Variants in TNIP1 observed in about 807,000 individuals in gnomAD.
TNIP1 encodes the protein TNFAIP3 interacting protein 1.
In TNIP1, 22 loss-of-function variants were observed where a neutral mutation model predicts 86.6. The ratio of observed to expected loss-of-function variants is 0.25; its 90% CI spans 0.18 to 0.36. TNIP1 has a LOEUF of 0.36. Among genes scored for constraint, TNIP1 ranks in the 10% least tolerant of loss-of-function variants. TNIP1 has a pLI of 1.00. For synonymous variants in TNIP1, 294 were observed against 313.0 expected, an observed-to-expected ratio of 0.94 and a Z score of 0.64; for missense variants, 709 against 820.6, an observed-to-expected ratio of 0.86 and a Z score of 1.66.
chr5:151,076,481 C>A (rs1199506473), intron 1 of TNIP1, among the ~76,000 whole-genome samples: 1 of 142,732 alleles, frequency 7.0e-6, no homozygotes, highest in Non-Finnish European at 1.5e-5. Context: ...GAAGAGAATG[C>A]CCTGAGATGC....
intron 6 of TNIP1, among the ~76,000 whole-genome samples, chr5:151,055,059 C>T (rs1760470016): frequency 6.6e-6 from 1 of 152,190 alleles, no homozygotes; most frequent in African/African-American, 2.4e-5. Context: ...AGATCATCAC[C>T]TTCCATCCAA....
intron 1 of TNIP1, among the ~76,000 whole-genome samples, chr5:151,068,891 C>T (rs955017961): frequency 3.3e-5 from 5 of 152,248 alleles, no homozygotes; most frequent in African/African-American, 1.2e-4. Flanking sequence ...ACTCCAGCCC[C>T]GCTTGCCCAA....
intron 13 of TNIP1, among the ~76,000 whole-genome samples, chr5:151,035,926 A>G (rs189415084): frequency 1.7e-4 from 26 of 152,262 alleles, no homozygotes; most frequent in Non-Finnish European, 2.8e-4. Flanking sequence ...CTAGGACTTT[A>G]TTTGAACAAA....
rs531533136 is a variant in TNIP1 at position 151,044,999 on chromosome 5, G to A, written c.936+862C>T. 1.2e-4 allele frequency among the ~76,000 whole-genome samples: 19 copies of A among 152,312 alleles called. 1 individual carries two copies. The South Asian group carries it at 2.7e-3, about 22-fold the overall frequency. On this transcript the variant is annotated intron_variant, in intron 9 of 17. Transcript: ENST00000521591. ...CACTCAGTATTCTGTGGCAGGCTTCGGCTGCTGGCTGGTCCTTTTCATTCT... is the reference window on the plus strand; with the variant it reads ...CACTCAGTATTCTGTGGCAGGCTTCAGCTGCTGGCTGGTCCTTTTCATTCT...
intron 1 of TNIP1, among the ~76,000 whole-genome samples, chr5:151,065,646 A>G (rs572490944): frequency 1.4e-4 from 21 of 152,348 alleles, no homozygotes; most frequent in Admixed American, 6.5e-4. Flanking sequence ...GAAAGTCTTA[A>G]GTTAATTTAG....
rs143556268 is a variant in TNIP1 at position 151,064,996 on chromosome 5, G to A, written c.100C>T (p.Arg34Trp). The stretch of plus-strand genomic sequence containing the variant: ...ATCCCTTGCATTTTTTCCTTCAGCC[G>A]GGAATTCTCCTTCACTAGGCGCTCA... ...AFERLVKENSRLKEKMQGIKM... is the reference protein window; with the variant it reads ...AFERLVKENSWLKEKMQGIKM... Residue 34 changes from arginine to tryptophan, a missense_variant, in exon 2 of 18, where the codon CGG (arginine) becomes TGG (tryptophan). Physicochemically the swap from Arg to Trp is moderately radical, Grantham distance 101. Transcript: ENST00000521591. 36 of 1,614,160 alleles carry A rather than the reference G, an allele frequency of 2.2e-5. No homozygotes were observed. Among genetic ancestry groups the A allele is most frequent in the African/African-American group, 2.7e-5 (2 of 75,046 alleles).
intron 3 of TNIP1, among the ~76,000 whole-genome samples, chr5:151,062,650 A>G (rs1761729167): frequency 6.6e-6 from 1 of 152,166 alleles, no homozygotes. Flanking sequence ...CAAACTCAGG[A>G]CTGAGACTTG....
chr5:151,082,539 C>G (rs181456120), upstream of TNIP1, among the ~76,000 whole-genome samples: 135 of 152,304 alleles, frequency 8.9e-4, no homozygotes, highest in Non-Finnish European at 1.2e-3. Context: ...GGCTCTCTTC[C>G]TATTCCCAAC....
At chr5:151,032,101 A>C (rs1009284069) in intron 17 of TNIP1, 186 bp downstream of exon 17, 1 of 598,236 alleles carries the variant, frequency 1.7e-6, no homozygotes, top group Non-Finnish European at 3.0e-6. Flanking sequence ...ATGCACTAGA[A>C]TGAATGGTTT....
At chr5:151,033,959 C>G (rs775119195) in intron 15 of TNIP1, among the ~76,000 whole-genome samples, 160 bp from the exon 16 acceptor site, 3 of 152,236 alleles carry the variant, frequency 2.0e-5, no homozygotes, top group Non-Finnish European at 4.4e-5. Flanking sequence ...GTACAGAAAT[C>G]TGGATACATG....
intron 5 of TNIP1, among the ~76,000 whole-genome samples, chr5:151,058,219 C>A (rs528200622): frequency 6.6e-6 from 1 of 152,210 alleles, no homozygotes; most frequent in Non-Finnish European, 1.5e-5. Flanking sequence ...CCATGCCTGG[C>A]CTACACATGT....
At chr5:151,072,061 A>G (rs545246439) in intron 1 of TNIP1, among the ~76,000 whole-genome samples, 2 of 152,382 alleles carry the variant, frequency 1.3e-5, no homozygotes, top group South Asian at 4.1e-4. Context: ...ACGCAGCTAC[A>G]TGGATGAGGA....
At chr5:151,033,211 G>C (rs1757151030) in intron 16 of TNIP1, among the ~76,000 whole-genome samples, 2 of 150,946 alleles carry the variant, frequency 1.3e-5, no homozygotes, top group Non-Finnish European at 3.0e-5. Context: ...CGGAGGGGAG[G>C]GGAGGGGAGA....
intron 1 of TNIP1, among the ~76,000 whole-genome samples, chr5:151,072,663 T>C (rs943166009): frequency 6.6e-6 from 1 of 152,172 alleles, no homozygotes; most frequent in Non-Finnish European, 1.5e-5. Flanking sequence ...ACATAGGGAC[T>C]GCCCCCCCTC....
chr5:151,085,841 C>T (rs552094859), upstream of TNIP1, among the ~76,000 whole-genome samples: 6 of 152,332 alleles, frequency 3.9e-5, no homozygotes, highest in Admixed American at 6.5e-5. Flanking sequence ...CCCACAAAAC[C>T]GGAGCATTTC....
chr5:151,034,899 G>A lies in TNIP1; in HGVS notation c.1587+103C>T, dbSNP rs915972221. 1.2e-5 allele frequency: 16 copies of A among 1,298,040 alleles called. No individual in the cohort carries two copies. In the Admixed American group the frequency reaches 2.0e-4, roughly 17 times the overall value. The allele number at this position is 1,298,040 out of a possible 1,614,324, so 80.4% of individuals were successfully genotyped here. On this transcript the variant is annotated intron_variant, in intron 15 of 17. Coordinates refer to ENST00000521591, the MANE Select transcript of TNIP1 (RefSeq NM_006058.5). ...TGTATTACTCATCAGTTAGTTAGCAGAGGATGTCCCCACGCCCGAGCACAC... is the reference window on the plus strand; with the variant it reads ...TGTATTACTCATCAGTTAGTTAGCAAAGGATGTCCCCACGCCCGAGCACAC...
chr5:151,073,136 C>T (rs1027051994), intron 1 of TNIP1, among the ~76,000 whole-genome samples: 3 of 150,512 alleles, frequency 2.0e-5, no homozygotes, highest in Non-Finnish European at 3.0e-5. Context: ...GTAGGAGAAT[C>T]GCTTGAACTT....
At chr5:151,065,822 G>A (rs561497258) in intron 1 of TNIP1, among the ~76,000 whole-genome samples, 1 of 152,242 alleles carries the variant, frequency 6.6e-6, no homozygotes, top group South Asian at 2.1e-4. Flanking sequence ...TATCATATAT[G>A]GTCTGTCCCT....
At chr5:151,059,828 A>AGAGAGAGAGTGT (rs1554076446) in intron 5 of TNIP1, among the ~76,000 whole-genome samples, 60 of 56,332 alleles carry the variant, frequency 1.1e-3, no homozygotes, top group Non-Finnish European at 1.3e-3. Flanking sequence ...AGAGAGAGAG[A>AGAGAGAGAGTGT]GTGTGTGTGT....
Sources: gnomAD v4.1 joint callset for allele counts (sites outside exome capture counted in the v4.1 genomes callset) on GRCh38, gnomAD v4.1.1 for gene constraint, MANE v1.5 for transcripts, NCBI Gene and HGNC (gene_info 2026-07-23, HGNC 2026-07-21) for gene names.